The following CFDP1 variants were observed in gnomAD, a reference collection of about 807,000 sequenced individuals.
CFDP1 encodes the protein chromatin remodeling protein CFDP1.
In CFDP1, 31 loss-of-function variants were observed where a neutral mutation model predicts 40.1. The ratio of observed to expected loss-of-function variants is 0.77; its 90% CI spans 0.58 to 1.04. The LOEUF is 1.04. CFDP1 is among the 50% of genes least tolerant of loss of function. The pLI, the probability that CFDP1 is intolerant of heterozygous loss-of-function variation, is 0.00. For synonymous variants in CFDP1, 167 were observed against 120.0 expected, an observed-to-expected ratio of 1.39 and a Z score of -2.56; for missense variants, 423 against 343.4, an observed-to-expected ratio of 1.23 and a Z score of -1.83.
chr16:75,385,394 T>A (rs2078888006), intron 5 of CFDP1, among the ~76,000 whole-genome samples: 1 of 152,090 alleles, frequency 6.6e-6, no homozygotes, highest in African/African-American at 2.4e-5. Context: ...GAAAAAAATT[T>A]AAGTGGTGGG....
chr16:75,401,578 C>T (rs1482454126), intron 4 of CFDP1, among the ~76,000 whole-genome samples: 4 of 151,782 alleles, frequency 2.6e-5, no homozygotes, highest in Non-Finnish European at 5.9e-5. Context: ...CCAGTCTGGG[C>T]GACAAGGTGC....
At chr16:75,323,779 C>A (rs1397725880) in intron 5 of CFDP1, among the ~76,000 whole-genome samples, 41 of 136,048 alleles carry the variant, frequency 3.0e-4, no homozygotes, top group Middle Eastern at 4.1e-3. Flanking sequence ...AGCTCTGTCT[C>A]AAAAAAAAAA....
At chr16:75,314,914 G>T (rs993783723) in intron 5 of CFDP1, among the ~76,000 whole-genome samples, 1 of 152,060 alleles carries the variant, frequency 6.6e-6, no homozygotes, top group Admixed American at 6.6e-5. Context: ...ACCACACCTG[G>T]CTAACTTTTG....
In CFDP1 at chr16:75,405,811, A is replaced by G. The variant is rs534737736; in HGVS notation, c.530+6014T>C. ...GTATGCACCTGCAGTCCTAGCTGCT[A>G]AGGAGGCTGAGGTGAGAGGACTGCC... is the stretch of plus-strand genomic sequence containing the variant. On this transcript the variant is annotated intron_variant, in intron 4 of 6. Coordinates refer to ENST00000283882, the MANE Select transcript of CFDP1 (RefSeq NM_006324.3). Among the ~76,000 whole-genome samples, 35 of 150,526 alleles carry G rather than the reference A, an allele frequency of 2.3e-4. 1 individual carries two copies. Among genetic ancestry groups the G allele is most frequent in the African/African-American group, 8.3e-4 (34 of 41,022 alleles).
At chr16:75,353,125 G>A (rs1012568405) in intron 5 of CFDP1, among the ~76,000 whole-genome samples, 1 of 152,118 alleles carries the variant, frequency 6.6e-6, no homozygotes. Flanking sequence ...AGATGGAATA[G>A]AAATCTGATG....
In CFDP1 at chr16:75,372,766, G is replaced by A. The variant is rs555682437; in HGVS notation, c.650+22324C>T. 3.3e-5 allele frequency among the ~76,000 whole-genome samples: 5 copies of A among 152,226 alleles called. No individual in the cohort carries two copies. The East Asian group carries it at 9.6e-4, about 29-fold the overall frequency. ...TATTAACTTTTCTCCTGGTATTGCT[G>A]TCACTCACAGTTAAAAGAAAATGCA... On this transcript the variant is annotated intron_variant, in intron 5 of 6. Coordinates refer to ENST00000283882, the MANE Select transcript of CFDP1 (RefSeq NM_006324.3).
At chr16:75,371,753 C>T (rs150327369) in intron 5 of CFDP1, among the ~76,000 whole-genome samples, 2 of 152,108 alleles carry the variant, frequency 1.3e-5, no homozygotes, top group African/African-American at 2.4e-5. Context: ...TCTCCTCCAA[C>T]TCAAAGGTTT....
chr16:75,344,831 G>A (rs1319701330), intron 5 of CFDP1, among the ~76,000 whole-genome samples: 1 of 151,752 alleles, frequency 6.6e-6, no homozygotes, highest in Admixed American at 6.6e-5. Context: ...ACTTGGGAGG[G>A]TAAGGCAGGA....
chr16:75,343,723 A>C (rs985191821), intron 5 of CFDP1, among the ~76,000 whole-genome samples: 1 of 152,230 alleles, frequency 6.6e-6, no homozygotes, highest in African/African-American at 2.4e-5. Context: ...AAAATGGTCA[A>C]TATCCTAGCA....
At chr16:75,357,377 C>A (rs985552907) in intron 5 of CFDP1, among the ~76,000 whole-genome samples, 1 of 152,122 alleles carries the variant, frequency 6.6e-6, no homozygotes, top group Admixed American at 6.6e-5. Flanking sequence ...ACCTCAGCCT[C>A]CTGAGTAGCT....
intron 5 of CFDP1, among the ~76,000 whole-genome samples, chr16:75,368,871 G>A (rs9940189): frequency 0.19 from 28,294 of 151,944 alleles, 2,823 homozygotes; most frequent in Middle Eastern, 0.23. Flanking sequence ...ATAATAAAAA[G>A]TTGTTTGTTT....
chr16:75,347,359 A>AAAAAG (rs1555556962), intron 5 of CFDP1, among the ~76,000 whole-genome samples: 14,269 of 51,878 alleles, frequency 0.28, 859 homozygotes, highest in Admixed American at 0.32. Flanking sequence ...AAAAAAAAAA[A>AAAAAG]AAAAAGAAAA....
At chr16:75,399,436 T>A (rs1298144520) in intron 4 of CFDP1, among the ~76,000 whole-genome samples, 1 of 152,212 alleles carries the variant, frequency 6.6e-6, no homozygotes, top group East Asian at 1.9e-4. Flanking sequence ...TTTATTCCAG[T>A]CCTGCCAAAA....
At chr16:75,336,973 G>T (rs774064688) in intron 5 of CFDP1, among the ~76,000 whole-genome samples, 1 of 152,084 alleles carries the variant, frequency 6.6e-6, no homozygotes, top group Non-Finnish European at 1.5e-5. Context: ...ATTTGTAGGG[G>T]ATCTTATGGA....
chr16:75,404,559 T>C (rs531241834), intron 4 of CFDP1, among the ~76,000 whole-genome samples: 2 of 152,200 alleles, frequency 1.3e-5, no homozygotes, highest in Admixed American at 1.3e-4. Context: ...GCCTAACTTA[T>C]CCCCATCAAT....
intron 5 of CFDP1, among the ~76,000 whole-genome samples, chr16:75,388,432 T>C (rs569058422): frequency 1.4e-3 from 214 of 152,284 alleles, no homozygotes; most frequent in Non-Finnish European, 2.2e-3. Context: ...AAGGGAAACA[T>C]GTTACCCTAG....
At chr16:75,332,771 TC>T (rs1251194341) in intron 5 of CFDP1, among the ~76,000 whole-genome samples, 1 of 151,294 alleles carries the variant, frequency 6.6e-6, no homozygotes, top group Non-Finnish European at 1.5e-5. Flanking sequence ...ACAATTTTTT[TC>T]TGTCTGTGGC....
At chr16:75,329,561 T>C (rs1468323260) in intron 5 of CFDP1, among the ~76,000 whole-genome samples, 1 of 152,188 alleles carries the variant, frequency 6.6e-6, no homozygotes, top group Non-Finnish European at 1.5e-5. Context: ...GGCATGATCA[T>C]AACTCATGGC....
chr16:75,335,579 C>T (rs373283289), intron 5 of CFDP1, among the ~76,000 whole-genome samples: 198 of 131,796 alleles, frequency 1.5e-3, no homozygotes, highest in African/African-American at 5.5e-3. Context: ...TTTTTTTAGA[C>T]GGAGTCTTGC....
Sources: allele counts gnomAD v4.1 joint callset (sites outside exome capture counted in the v4.1 genomes callset), GRCh38; gene constraint gnomAD v4.1.1; transcripts MANE v1.5; gene names NCBI Gene and HGNC (gene_info 2026-07-23, HGNC 2026-07-21).